TRAF3IP2: variants seen among roughly 807,000 people sequenced by gnomAD.
The protein encoded by TRAF3IP2 is TRAF3 interacting protein 2.
TRAF3IP2 carries 35 observed loss-of-function variants against 57.9 expected under a neutral mutation model. The observed-to-expected ratio is 0.60, with a 90% confidence interval of 0.46 to 0.80. The LOEUF is 0.80. Among genes scored for constraint, TRAF3IP2 ranks in the 30% least tolerant of loss-of-function variants. The pLI, the probability that TRAF3IP2 is intolerant of heterozygous loss-of-function variation, is 0.00. For synonymous variants in TRAF3IP2, 251 were observed against 268.9 expected (o/e 0.93, Z 0.65); for missense variants, 556 against 706.4 (o/e 0.79, Z 2.41).
chr6:111,604,312 A>G (rs545986309), intron 1 of TRAF3IP2, among the ~76,000 whole-genome samples: 4 of 152,332 alleles, frequency 2.6e-5, no homozygotes, highest in Non-Finnish European at 4.4e-5. Context: ...CATCACCCTT[A>G]CATGGTATTA....
intron 4 of TRAF3IP2, chr6:111,574,537 A>G (rs1795922182): frequency 6.6e-6 from 1 of 152,250 alleles, no homozygotes; most frequent in Non-Finnish European, 1.5e-5. Flanking sequence ...TTCTTTAAAT[A>G]AAAGGCTTAG....
At chr6:111,598,014 T>C (rs890041771) in intron 1 of TRAF3IP2, 58 of 415,832 alleles carry the variant, frequency 1.4e-4, no homozygotes, top group African/African-American at 9.7e-4. Flanking sequence ...GGAGCCCCCA[T>C]GCTGGCAGTG....
chr6:111,573,513 C>T (rs1795892460), intron 4 of TRAF3IP2: 1 of 153,626 alleles, frequency 6.5e-6, no homozygotes, highest in African/African-American at 2.4e-5. Flanking sequence ...TCCCCGCAAT[C>T]CACTCACTTT....
At chr6:111,594,405 T>G in intron 1 of TRAF3IP2, 2 of 367,980 alleles carry the variant, frequency 5.4e-6, no homozygotes, top group South Asian at 4.0e-5. Context: ...CAATCCTCAC[T>G]CTTCAGGTAC....
At chr6:111,577,949 A>G (rs1162025236) in intron 3 of TRAF3IP2, among the ~76,000 whole-genome samples, 1 of 151,774 alleles carries the variant, frequency 6.6e-6, no homozygotes, top group Non-Finnish European at 1.5e-5. Flanking sequence ...CTGGGCTCAA[A>G]CAATCCACCC....
At position 111,558,860 on chromosome 6, in the gene TRAF3IP2, C is replaced by G. The variant is rs1020354830; in HGVS notation, c.*545G>C. On this transcript the variant is annotated 3_prime_UTR_variant, in exon 9 of 9. Transcript: ENST00000368761. ...TTTATCTAATATTATATCTAAGCAG[C>G]TTTGTTGATGTCCCTGGAAGCAACT... 1.3e-5 allele frequency: 2 copies of G among 152,234 alleles called. No individual in the cohort carries two copies. Among genetic ancestry groups the G allele is most frequent in the African/African-American group, 4.8e-5 (2 of 41,436 alleles). The allele number at this position is 152,234 out of a possible 1,614,324, so 9.4% of individuals were successfully genotyped here.
rs778084382 is a variant in TRAF3IP2, at chr6:111,591,710, G to T, written c.377C>A (p.Pro126His). ...CATAAATGAAAACTGATGCTCTGCA[G>T]GGAGGGCTCCAACCACAGACTCAGA... ...PASESVVGAL[P>H]AEHQFSFMEK... The change falls in exon 2 of 9, where the codon CCT (proline) becomes CAT (histidine). Residue 126 changes from proline to histidine, a missense_variant. Around this residue, in one of 2 missense-constraint regions of TRAF3IP2, gnomAD observed 428 missense variants for 498.7 expected, o/e 0.86. Transcript: ENST00000368761. The surrounding 1 kb of genome is among the most constrained non-coding windows in gnomAD (Gnocchi z 4.9). 9.3e-6 allele frequency: 15 copies of T among 1,614,244 alleles called. No individual in the cohort carries two copies. Among genetic ancestry groups the T allele is most frequent in the Non-Finnish European group, 1.2e-5 (14 of 1,180,040 alleles).
chr6:111,575,736 G>A lies in TRAF3IP2; in HGVS notation c.1108C>T (p.Pro370Ser). 6.2e-7 allele frequency: 1 copy of A among 1,612,618 alleles called. No homozygotes were observed. Among genetic ancestry groups the A allele is most frequent in the Non-Finnish European group, 8.5e-7 (1 of 1,179,552 alleles). Residue 370 changes from proline to serine, a missense_variant, in exon 4 of 9, where the codon CCC (proline) becomes TCC (serine). Transcript: ENST00000368761. ...ACAGCAGCTGGGGACGGAGGCTGGG[G>A]AACCTGTGGTCTCAGCTCTGCAGGG... ...ECPAELRPQVPQPPSPAAVPR... is the reference protein window; with the variant it reads ...ECPAELRPQVSQPPSPAAVPR...
At chr6:111,561,081 C>T (rs540401995) in intron 8 of TRAF3IP2, among the ~76,000 whole-genome samples, 9 of 151,816 alleles carry the variant, frequency 5.9e-5, no homozygotes, top group African/African-American at 9.7e-5. Context: ...ACTTGGGAGG[C>T]TGAGGCAGGA....
intron 2 of TRAF3IP2, among the ~76,000 whole-genome samples, chr6:111,587,347 C>G (rs1317577970): frequency 6.6e-6 from 1 of 152,116 alleles, no homozygotes; most frequent in Non-Finnish European, 1.5e-5. Flanking sequence ...CCTCCACCTT[C>G]CGGGTTCAAG....
At chr6:111,562,906 C>T in intron 8 of TRAF3IP2, 59 bp downstream of exon 8, 2 of 1,305,898 alleles carry the variant, frequency 1.5e-6, no homozygotes, top group Non-Finnish European at 2.2e-6. Context: ...TTTAAAATCC[C>T]AGATGGCAAA....
In TRAF3IP2 at chr6:111,591,315, G is replaced by T; in HGVS notation, c.772C>A (p.His258Asn). 1 of 1,516,898 alleles carries T rather than the reference G, an allele frequency of 6.6e-7. No homozygotes were observed. Among genetic ancestry groups the T allele is most frequent in the South Asian group, 1.3e-5 (1 of 74,074 alleles). 94.0% of individuals were successfully genotyped at this position (1,516,898 alleles called of 1,614,324 possible). A position where few individuals can be genotyped will look rare whatever the true frequency, so the allele number is the denominator to read the frequency against. The change falls in exon 2 of 9, where the codon CAT becomes AAT. Residue 258 changes from histidine to asparagine, a missense_variant. His to Asn is a moderately conservative substitution (Grantham distance 68). Coordinates refer to ENST00000368761, the MANE Select transcript of TRAF3IP2 (RefSeq NM_147686.4). The surrounding 1 kb of genome is among the most constrained non-coding windows in gnomAD (Gnocchi z 4.9). ...TGGTAATGATAGTTCCATGGAGCATGTGGGGAAAGATTGGGAGGCAGCATC... is the reference window on the plus strand; with the variant it reads ...TGGTAATGATAGTTCCATGGAGCATTTGGGGAAAGATTGGGAGGCAGCATC... ...AQMLPPNLSP[H>N]APWNYHYHCP... is the part of the protein sequence containing the mutation.
intron 2 of TRAF3IP2, among the ~76,000 whole-genome samples, chr6:111,583,403 GGTGA>G (rs1409773634): frequency 2.0e-5 from 3 of 152,296 alleles, no homozygotes; most frequent in Non-Finnish European, 4.4e-5. Flanking sequence ...GTAAACAGTG[GGTGA>G]GTAAGTGAAG....
chr6:111,592,812 CAG>C (rs1465947719), intron 1 of TRAF3IP2, among the ~76,000 whole-genome samples: 4 of 151,996 alleles, frequency 2.6e-5, no homozygotes, highest in Admixed American at 6.6e-5. Flanking sequence ...GAAAAAAGGT[CAG>C]AGTGACATTT....
chr6:111,579,419 T>C (rs1215786632), intron 3 of TRAF3IP2, among the ~76,000 whole-genome samples: 1 of 150,082 alleles, frequency 6.7e-6, no homozygotes, highest in African/African-American at 2.5e-5. Flanking sequence ...ACTCAACATG[T>C]ATGAATGTTT....
intron 5 of TRAF3IP2, chr6:111,572,600 G>A (rs1248564359): frequency 2.1e-5 from 6 of 286,190 alleles, no homozygotes; most frequent in East Asian, 1.3e-4. Flanking sequence ...GCAAGAGCCC[G>A]GCGTTTCCTT....
At chr6:111,597,847 A>G (rs981664956) in intron 1 of TRAF3IP2, 3 of 455,626 alleles carry the variant, frequency 6.6e-6, no homozygotes, top group Admixed American at 2.4e-5. Flanking sequence ...GGCTTTCTCC[A>G]TATTTACGTG....
chr6:111,580,459 G>T (rs772306520), intron 2 of TRAF3IP2, 70 bp from the exon 3 acceptor site: 4 of 1,399,218 alleles, frequency 2.9e-6, no homozygotes, highest in Non-Finnish European at 2.9e-6. Flanking sequence ...GGAGTCATAA[G>T]CTCCATGCTC....
At chr6:111,602,337 T>C (rs1472627851) in intron 1 of TRAF3IP2, 1 of 152,192 alleles carries the variant, frequency 6.6e-6, no homozygotes, top group African/African-American at 2.4e-5. Context: ...TGTCATTGTT[T>C]TGGTTTTTGT....
Sources: gnomAD v4.1 joint callset for allele counts (sites outside exome capture counted in the v4.1 genomes callset) on GRCh38, gnomAD v4.1.1 for gene constraint, gnomAD v4.1.1 regional missense constraint, Gnocchi (gnomAD v3.1) non-coding constraint, MANE v1.5 for transcripts, NCBI Gene and HGNC (gene_info 2026-07-23, HGNC 2026-07-21) for gene names.